The following HIPK3 variants were observed in gnomAD, a reference collection of about 807,000 sequenced individuals.
The protein encoded by HIPK3 is homeodomain-interacting protein kinase 3.
Under a neutral mutation model 124.2 loss-of-function variants are expected in HIPK3, and 47 were observed. The observed-to-expected ratio is 0.38, with a 90% CI of 0.30 to 0.48. The LOEUF is 0.48. Ranked by LOEUF, HIPK3 falls within the 20% of genes least tolerant of loss-of-function variation. The probability of loss-of-function intolerance (pLI) is 0.98; values close to 1 mark genes in which losing one functional copy is unlikely to be tolerated. For missense variants in HIPK3, 1,286 were observed against 1,454.3 expected (o/e 0.88, Z 1.88); for synonymous variants, 482 against 515.2 (o/e 0.94, Z 0.87).
intron 8 of HIPK3, among the ~76,000 whole-genome samples, chr11:33,344,889 G>A (rs1012657691): frequency 2.0e-5 from 3 of 151,994 alleles, no homozygotes; most frequent in Admixed American, 6.6e-5. Flanking sequence ...TTCAGCATTG[G>A]GCTTCTTGCC....
chr11:33,263,732 G>A (rs777796914), intron 1 of HIPK3, among the ~76,000 whole-genome samples: 1 of 152,160 alleles, frequency 6.6e-6, no homozygotes, highest in Non-Finnish European at 1.5e-5. Context: ...TGAAATAATA[G>A]CATCTCTGTT....
At chr11:33,313,005 C>G (rs1013595751) in intron 2 of HIPK3, among the ~76,000 whole-genome samples, 13 of 152,138 alleles carry the variant, frequency 8.5e-5, no homozygotes, top group African/African-American at 3.1e-4. Context: ...TATACCAGCA[C>G]ATAACAATTG....
At chr11:33,293,253 T>A (rs1280767628) in intron 2 of HIPK3, among the ~76,000 whole-genome samples, 1 of 152,194 alleles carries the variant, frequency 6.6e-6, no homozygotes, top group African/African-American at 2.4e-5. Flanking sequence ...CATTTAAGTA[T>A]ACAATTTAAT....
intron 2 of HIPK3, among the ~76,000 whole-genome samples, chr11:33,303,936 TG>T (rs1565074713): frequency 6.6e-6 from 1 of 152,056 alleles, no homozygotes; most frequent in Non-Finnish European, 1.5e-5. Flanking sequence ...TTGATATATA[TG>T]TGTATATATA....
chr11:33,271,487 G>T (rs1019566453), intron 1 of HIPK3, among the ~76,000 whole-genome samples: 3 of 152,174 alleles, frequency 2.0e-5, no homozygotes, highest in African/African-American at 7.2e-5. Flanking sequence ...GATCACTTGA[G>T]CCCTGGTGGT....
chr11:33,259,012 A>G (rs1467059499), intron 1 of HIPK3, among the ~76,000 whole-genome samples: 1 of 152,146 alleles, frequency 6.6e-6, no homozygotes, highest in Non-Finnish European at 1.5e-5. Context: ...CAGGGCCGGA[A>G]AAGTTAGCTG....
chr11:33,319,456 A>G (rs887901535), intron 2 of HIPK3, among the ~76,000 whole-genome samples: 3 of 151,356 alleles, frequency 2.0e-5, no homozygotes, highest in Admixed American at 6.6e-5. Flanking sequence ...AGATTGTGCC[A>G]TTGCACTCCA....
chr11:33,258,026 G>C, intron 1 of HIPK3, 137 bp downstream of exon 1: 2 of 716,794 alleles, frequency 2.8e-6, no homozygotes, highest in Non-Finnish European at 3.3e-6. Context: ...CTCATTGCGC[G>C]TCCCGTGCCC....
intron 2 of HIPK3, among the ~76,000 whole-genome samples, chr11:33,317,933 A>G (rs1317191926): frequency 6.6e-6 from 1 of 151,958 alleles, no homozygotes; most frequent in Non-Finnish European, 1.5e-5. Flanking sequence ...GTCTTTAGGA[A>G]CTCTGTGTCC....
Position 33,337,080 on chromosome 11 carries a change from A to T in HIPK3, c.1227A>T (p.Arg409=), listed in dbSNP as rs377260169. The change falls in exon 4 of 17, where the codon CGA becomes CGT. Residue 409 remains arginine (R), a synonymous_variant. Transcript: ENST00000303296. ...TTCTGTAAATTATTTTTCAGATTCGATACATTTCTCAGACTCAAGGTTTGC... is the reference window on the plus strand; with the variant it reads ...TTCTGTAAATTATTTTTCAGATTCGTTACATTTCTCAGACTCAAGGTTTGC... ...YPGALEYDQI[R]YISQTQGLPG... The T allele has an allele frequency of 1.6e-5, 25 of 1,595,902 alleles. No individual in the cohort carries two copies. The highest frequency in any genetic ancestry group is 2.1e-5 in the Non-Finnish European group (24 of 1,170,476).
intron 5 of HIPK3, 34 bp downstream of exon 5, chr11:33,338,877 T>G: frequency 6.9e-7 from 1 of 1,446,006 alleles, no homozygotes; most frequent in Non-Finnish European, 9.7e-7. Context: ...TCATCTTACA[T>G]GCTTAGATGG....
intron 8 of HIPK3, among the ~76,000 whole-genome samples, chr11:33,342,106 A>AAAG (rs1853355163): frequency 1.3e-5 from 2 of 150,842 alleles, no homozygotes; most frequent in Admixed American, 1.3e-4. Flanking sequence ...CTGTCTCAAA[A>AAAG]AAAAAAAAAA....
intron 6 of HIPK3, among the ~76,000 whole-genome samples, chr11:33,340,555 A>G (rs1853300732): frequency 6.6e-6 from 1 of 152,228 alleles, no homozygotes; most frequent in South Asian, 2.1e-4. Context: ...CAGCCCAGTT[A>G]CATTTTCCCC....
chr11:33,343,313 C>G (rs372698987), intron 8 of HIPK3, among the ~76,000 whole-genome samples: 4 of 149,868 alleles, frequency 2.7e-5, no homozygotes, highest in East Asian at 3.9e-4. Flanking sequence ...TAGTGTCTTG[C>G]TCTGTTGCCC....
chr11:33,321,939 T>C (rs1852673975), intron 2 of HIPK3, among the ~76,000 whole-genome samples: 1 of 152,178 alleles, frequency 6.6e-6, no homozygotes, highest in South Asian at 2.1e-4. Flanking sequence ...CAGTGCTTCC[T>C]TACCAGGCTC....
At chr11:33,347,007 A>G (rs1018121037) in intron 8 of HIPK3, among the ~76,000 whole-genome samples, 4 of 152,010 alleles carry the variant, frequency 2.6e-5, no homozygotes, top group Non-Finnish European at 5.9e-5. Context: ...TGAGCAACAT[A>G]GACCCTGTCT....
chr11:33,296,869 A>C (rs1415616144), intron 2 of HIPK3, among the ~76,000 whole-genome samples: 1 of 152,194 alleles, frequency 6.6e-6, no homozygotes, highest in Non-Finnish European at 1.5e-5. Context: ...TTCTAAGAGA[A>C]AGGAAGATCT....
At chr11:33,310,715 G>A (rs1233222638) in intron 2 of HIPK3, among the ~76,000 whole-genome samples, 2 of 152,214 alleles carry the variant, frequency 1.3e-5, no homozygotes, top group Non-Finnish European at 2.9e-5. Context: ...GATAGAGATA[G>A]TACAAATAGT....
chr11:33,278,887 A>G (rs1468660921), intron 1 of HIPK3, among the ~76,000 whole-genome samples: 2 of 152,186 alleles, frequency 1.3e-5, no homozygotes, highest in African/African-American at 2.4e-5. Flanking sequence ...AATTTTATTT[A>G]TTTTTACCGC....
Sources: gnomAD v4.1 joint callset for allele counts (sites outside exome capture counted in the v4.1 genomes callset) on GRCh38, gnomAD v4.1.1 for gene constraint, MANE v1.5 for transcripts, NCBI Gene and HGNC (gene_info 2026-07-23, HGNC 2026-07-21) for gene names.